The following FHOD3 variants were observed in gnomAD, a reference collection of about 807,000 sequenced individuals.
FHOD3 encodes formin homology 2 domain containing 3, also known as FH1/FH2 domain-containing protein 3.
Under a neutral mutation model 173.0 loss-of-function variants are expected in FHOD3, and 90 were observed. The observed-to-expected ratio is 0.52, with a 90% CI of 0.44 to 0.62. The LOEUF (loss-of-function observed/expected upper bound fraction) is 0.62. Ranked by LOEUF, FHOD3 falls within the 20% of genes least tolerant of loss-of-function variation. The pLI is 0.00. For synonymous variants in FHOD3, 828 were observed against 823.0 expected (o/e 1.01, Z -0.10); for missense variants, 1,945 against 2,034.7 (o/e 0.96, Z 0.85).
chr18:36,464,082 G>C (rs1425214314), intron 3 of FHOD3, among the ~76,000 whole-genome samples: 1 of 152,122 alleles, frequency 6.6e-6, no homozygotes, highest in African/African-American at 2.4e-5. Flanking sequence ...ATTCTATTTA[G>C]TCAGAAGAGC....
intron 3 of FHOD3, among the ~76,000 whole-genome samples, chr18:36,458,666 G>GTT (rs35141522): frequency 3.4e-3 from 357 of 104,678 alleles, no homozygotes; most frequent in Non-Finnish European, 5.5e-3. Context: ...TTTTTGTTAG[G>GTT]TTTTTTTTTT....
At chr18:36,660,613 A>G (rs2036727133) in intron 14 of FHOD3, among the ~76,000 whole-genome samples, 1 of 152,144 alleles carries the variant, frequency 6.6e-6, no homozygotes, top group South Asian at 2.1e-4. Context: ...GGCTTGCACG[A>G]GTGTATGGAT....
At chr18:36,377,655 G>A (rs1316347706) in intron 3 of FHOD3, among the ~76,000 whole-genome samples, 2 of 152,154 alleles carry the variant, frequency 1.3e-5, no homozygotes, top group African/African-American at 2.4e-5. Context: ...GTGTGTGCTC[G>A]GGCACCTGGC....
chr18:36,653,266 G>T, intron 12 of FHOD3, 76 bp from the exon 13 acceptor site: 1 of 1,183,374 alleles, frequency 8.5e-7, no homozygotes, highest in Non-Finnish European at 1.2e-6. Context: ...AAGTCTTTTT[G>T]ACGCTGAAGA....
chr18:36,524,431 G>T (rs1212887355), intron 5 of FHOD3, among the ~76,000 whole-genome samples: 11 of 152,182 alleles, frequency 7.2e-5, no homozygotes, highest in Admixed American at 7.2e-4. Flanking sequence ...GGAGACAATG[G>T]TGAGCTTACT....
intron 20 of FHOD3, among the ~76,000 whole-genome samples, chr18:36,739,992 G>C (rs988727113): frequency 3.9e-5 from 6 of 152,124 alleles, no homozygotes; most frequent in African/African-American, 1.4e-4. Flanking sequence ...AGGAATAGTA[G>C]GAGTAGACAT....
chr18:36,459,506 T>TTA (rs1418366594), intron 3 of FHOD3, among the ~76,000 whole-genome samples: 3 of 152,024 alleles, frequency 2.0e-5, no homozygotes, highest in Non-Finnish European at 4.4e-5. Context: ...GAAACCTTCA[T>TTA]TATGCGGTGT....
At chr18:36,662,446 T>C (rs2149237463) in intron 14 of FHOD3, among the ~76,000 whole-genome samples, 1 of 152,348 alleles carries the variant, frequency 6.6e-6, no homozygotes, top group Non-Finnish European at 1.5e-5. Flanking sequence ...AAGGATCATA[T>C]GCACTTTAAC....
rs147116644 is a variant in FHOD3 at position 36,319,290 on chromosome 18, C to A, written c.165+21290C>A. 5.7e-3 allele frequency among the ~76,000 whole-genome samples: 867 copies of A among 152,084 alleles called. 7 individuals carry two copies. Among genetic ancestry groups the A allele is most frequent in the Non-Finnish European group, 9.3e-3 (629 of 67,992 alleles). On this transcript the variant is annotated intron_variant, in intron 1 of 28. Transcript: ENST00000590592. ...GGATGGAGGAAGAAGATCTACCAAG[C>A]AAATGGAAAGCAAAAAATAAATAAA...
chr18:36,321,557 ATATAGAGTGTTGC>A (rs1223735682), intron 1 of FHOD3, among the ~76,000 whole-genome samples: 16 of 152,184 alleles, frequency 1.1e-4, no homozygotes, highest in Admixed American at 1.0e-3. Flanking sequence ...CTTTTGGAGT[ATATAGAGTGTTGC>A]TTTCTCCTGG....
chr18:36,517,689 T>C (rs1282581785), intron 5 of FHOD3, among the ~76,000 whole-genome samples: 1 of 152,242 alleles, frequency 6.6e-6, no homozygotes, highest in Admixed American at 6.5e-5. Context: ...GGATAAGATC[T>C]TAAAACGCAT....
At chr18:36,353,565 C>G (rs888652114) in intron 1 of FHOD3, among the ~76,000 whole-genome samples, 1 of 152,188 alleles carries the variant, frequency 6.6e-6, no homozygotes, top group East Asian at 1.9e-4. Context: ...CACTTTTCCC[C>G]TAGCTTTCAT....
intron 9 of FHOD3, among the ~76,000 whole-genome samples, chr18:36,621,899 C>T (rs80198208): frequency 0.15 from 22,209 of 152,128 alleles, 1,803 homozygotes; most frequent in African/African-American, 0.21. Context: ...CCATGTTTGT[C>T]GCAGCACTAG....
chr18:36,722,124 A>G (rs1278981289), intron 19 of FHOD3, among the ~76,000 whole-genome samples: 4 of 152,196 alleles, frequency 2.6e-5, no homozygotes, highest in Non-Finnish European at 2.9e-5. Context: ...TTTTAATAAG[A>G]TGAATCATAT....
intron 3 of FHOD3, among the ~76,000 whole-genome samples, chr18:36,436,606 T>C (rs531635440): frequency 6.6e-6 from 1 of 152,342 alleles, no homozygotes; most frequent in South Asian, 2.1e-4. Context: ...TGCACATCTA[T>C]GAAACATTGT....
intron 3 of FHOD3, among the ~76,000 whole-genome samples, chr18:36,486,825 A>G (rs1236499212): frequency 1.3e-5 from 2 of 152,186 alleles, no homozygotes; most frequent in Non-Finnish European, 2.9e-5. Context: ...GCTATTCCCA[A>G]TCCAGGCAAG....
At chr18:36,648,868 T>G (rs2149073714) in intron 10 of FHOD3, among the ~76,000 whole-genome samples, 1 of 152,320 alleles carries the variant, frequency 6.6e-6, no homozygotes, top group Non-Finnish European at 1.5e-5. Flanking sequence ...CTTGGTGATT[T>G]CTAATCAAGA....
At chr18:36,489,023 C>G (rs2054329775) in intron 3 of FHOD3, among the ~76,000 whole-genome samples, 1 of 152,172 alleles carries the variant, frequency 6.6e-6, no homozygotes, top group South Asian at 2.1e-4. Context: ...TCAGTCCTGG[C>G]TGCAGTGGGT....
At chr18:36,542,057 G>T (rs2057244410) in intron 5 of FHOD3, among the ~76,000 whole-genome samples, 1 of 152,168 alleles carries the variant, frequency 6.6e-6, no homozygotes, top group African/African-American at 2.4e-5. Flanking sequence ...TTACAAATGG[G>T]AATTTGGATC....
Sources: gnomAD v4.1 joint callset for allele counts (sites outside exome capture counted in the v4.1 genomes callset) on GRCh38, gnomAD v4.1.1 for gene constraint, MANE v1.5 for transcripts, NCBI Gene and HGNC (gene_info 2026-07-23, HGNC 2026-07-21) for gene names.